DCLK1: variants seen among roughly 807,000 people sequenced by gnomAD.
DCLK1 encodes serine/threonine-protein kinase DCLK1.
In DCLK1, 16 loss-of-function variants were observed where a neutral mutation model predicts 86.2. The observed-to-expected ratio is 0.19, with a 90% CI of 0.13 to 0.28. DCLK1 has a LOEUF of 0.28. DCLK1 is among the 10% of genes least tolerant of loss of function. DCLK1 has a pLI of 1.00. For missense variants in DCLK1, 590 were observed against 940.2 expected (o/e 0.63, Z 4.87); for synonymous variants, 369 against 370.5 (o/e 1.00, Z 0.05).
rs1872096844 is a variant in DCLK1, at chr13:35,869,339, T to A, written c.940+1885A>T. 2.6e-5 allele frequency among the ~76,000 whole-genome samples: 4 copies of A among 152,202 alleles called. No individual in the cohort carries two copies. The South Asian group carries it at 8.3e-4, about 32-fold the overall frequency. Reference sequence around the variant, plus strand: ...GGAAGGGATCATCTTCAGAAAGAAATTCTCTTTTCTCCCAGGTGACTGACT... The same window carrying A: ...GGAAGGGATCATCTTCAGAAAGAAAATCTCTTTTCTCCCAGGTGACTGACT... On this transcript the variant is annotated intron_variant, in intron 5 of 16. Transcript: ENST00000360631.
intron 3 of DCLK1, among the ~76,000 whole-genome samples, chr13:36,103,916 G>A (rs1014810299): frequency 1.2e-4 from 18 of 152,288 alleles, no homozygotes; most frequent in African/African-American, 4.1e-4. Flanking sequence ...ATGTCAGGAA[G>A]GTTTACAGCA....
chr13:35,852,041 T>C (rs2153110153), intron 6 of DCLK1, among the ~76,000 whole-genome samples: 1 of 151,722 alleles, frequency 6.6e-6, no homozygotes, highest in South Asian at 2.1e-4. Flanking sequence ...GTGGGGGCAG[T>C]CAACTCATTT....
chr13:35,857,068 G>T (rs866192395), intron 5 of DCLK1, among the ~76,000 whole-genome samples: 40 of 152,214 alleles, frequency 2.6e-4, no homozygotes, highest in African/African-American at 9.1e-4. Context: ...TATTTTGAGA[G>T]GGGAAGTGAG....
At chr13:35,775,664 G>A (rs916805388) in intron 16 of DCLK1, among the ~76,000 whole-genome samples, 1 of 152,200 alleles carries the variant, frequency 6.6e-6, no homozygotes, top group African/African-American at 2.4e-5. Flanking sequence ...GTTCTTATTT[G>A]AAAATCCCCC....
intron 3 of DCLK1, among the ~76,000 whole-genome samples, chr13:36,050,182 C>A (rs1883074064): frequency 6.6e-6 from 1 of 152,182 alleles, no homozygotes; most frequent in Admixed American, 6.5e-5. Flanking sequence ...TAACTGCTAT[C>A]ATCATTAGAA....
intron 3 of DCLK1, among the ~76,000 whole-genome samples, chr13:36,074,841 G>A (rs1261504290): frequency 6.6e-6 from 1 of 152,182 alleles, no homozygotes; most frequent in Non-Finnish European, 1.5e-5. Context: ...TATGCTTTGT[G>A]CAGCCAAGGC....
intron 4 of DCLK1, among the ~76,000 whole-genome samples, chr13:35,891,300 T>C (rs368171536): frequency 9.9e-5 from 15 of 152,200 alleles, no homozygotes; most frequent in African/African-American, 9.6e-5. Context: ...AGCTGGATTA[T>C]CTATAATTTT....
chr13:35,917,051 GCCTTGCTTAACCCC>G (rs1875458852), intron 4 of DCLK1, among the ~76,000 whole-genome samples: 1 of 152,048 alleles, frequency 6.6e-6, no homozygotes, highest in African/African-American at 2.4e-5. Context: ...GAACAAACAG[GCCTTGCTTAACCCC>G]CCAGTTCATG....
At chr13:36,093,386 A>G (rs943779294) in intron 3 of DCLK1, among the ~76,000 whole-genome samples, 1 of 152,192 alleles carries the variant, frequency 6.6e-6, no homozygotes, top group East Asian at 1.9e-4. Context: ...GCTACAGTGA[A>G]TCTCCCAGCC....
intron 3 of DCLK1, among the ~76,000 whole-genome samples, chr13:35,992,211 C>G (rs1880265355): frequency 2.0e-5 from 3 of 152,160 alleles, no homozygotes; most frequent in Admixed American, 2.0e-4. Flanking sequence ...ACGTTCAATT[C>G]TGTTTTGAAA....
rs1394312463 is a variant in DCLK1, at chr13:35,768,814, A to T, written c.*5721T>A. On this transcript the variant is annotated 3_prime_UTR_variant, in exon 17 of 17. Transcript: ENST00000360631. The stretch of plus-strand genomic sequence containing the variant: ...GGGAAAGCTACACTCTGACCGCATG[A>T]CTAATTTTTAAAGCCTTGCATAGAG... 4.6e-5 allele frequency: 7 copies of T among 152,232 alleles called. No individual in the cohort carries two copies. Among genetic ancestry groups the T allele is most frequent in the Non-Finnish European group, 4.4e-5 (3 of 68,050 alleles). The allele number at this position is 152,232 out of a possible 1,614,324, so 9.4% of individuals were successfully genotyped here.
At chr13:36,107,851 T>C (rs1885455071) in intron 3 of DCLK1, among the ~76,000 whole-genome samples, 1 of 152,144 alleles carries the variant, frequency 6.6e-6, no homozygotes, top group Admixed American at 6.5e-5. Context: ...AAAATAGTTA[T>C]ACTCCAAATG....
chr13:36,008,229 T>TA (rs1312435185), intron 3 of DCLK1, among the ~76,000 whole-genome samples: 5 of 130,650 alleles, frequency 3.8e-5, no homozygotes, highest in South Asian at 2.5e-4. Context: ...TTATTATTAT[T>TA]TTTTTAATTA....
intron 3 of DCLK1, among the ~76,000 whole-genome samples, chr13:36,001,990 C>T (rs989327305): frequency 6.6e-6 from 1 of 151,798 alleles, no homozygotes; most frequent in Non-Finnish European, 1.5e-5. Flanking sequence ...GATTATCTAC[C>T]TTATCCCCTT....
intron 4 of DCLK1, among the ~76,000 whole-genome samples, chr13:35,945,129 A>G (rs969921796): frequency 2.0e-5 from 3 of 151,888 alleles, no homozygotes; most frequent in Non-Finnish European, 4.4e-5. Context: ...CGAACTCCCA[A>G]CCTCAGGTGA....
intron 4 of DCLK1, among the ~76,000 whole-genome samples, chr13:35,894,718 G>A (rs560864823): frequency 2.0e-5 from 3 of 152,178 alleles, no homozygotes; most frequent in Non-Finnish European, 4.4e-5. Context: ...CTTGTTGAGA[G>A]TCTTCTTCCC....
intron 16 of DCLK1, among the ~76,000 whole-genome samples, chr13:35,792,526 C>A (rs2086726848): frequency 6.6e-6 from 1 of 152,030 alleles, no homozygotes; most frequent in South Asian, 2.1e-4. Context: ...GTCTTAAATT[C>A]TTTGTTTGGA....
rs541897848 is a variant in DCLK1 at position 36,050,994 on chromosome 13, A to AGAAG, written c.723+60874_723+60875insCTTC. 5.3e-5 allele frequency among the ~76,000 whole-genome samples: 8 copies of AGAAG among 152,282 alleles called. No individual in the cohort carries two copies. In the East Asian group the frequency reaches 1.5e-3, roughly 29 times the overall value. On this transcript the variant is annotated intron_variant, in intron 3 of 16. Transcript: ENST00000360631. ...TGTCAACAAGCCATTCACAACAATG[A>AGAAG]TACATCAGCCAATGAGAAGTGATGC... is the stretch of plus-strand genomic sequence containing the variant.
At chr13:36,078,289 C>G (rs1368519966) in intron 3 of DCLK1, among the ~76,000 whole-genome samples, 1 of 152,192 alleles carries the variant, frequency 6.6e-6, no homozygotes, top group African/African-American at 2.4e-5. Context: ...GCCACCCAGT[C>G]TATACTATTC....
Sources: allele counts gnomAD v4.1 joint callset (sites outside exome capture counted in the v4.1 genomes callset), GRCh38; gene constraint gnomAD v4.1.1; transcripts MANE v1.5; gene names NCBI Gene and HGNC (gene_info 2026-07-23, HGNC 2026-07-21).